Variants in PANK1 observed in about 807,000 individuals in gnomAD.
The protein encoded by PANK1 is pantothenate kinase 1.
A neutral mutation model predicts 40.1 loss-of-function variants in PANK1; 18 were observed. That is an observed-to-expected ratio of 0.45 (90% CI 0.31 to 0.67). PANK1 has a LOEUF of 0.67. Ranked by LOEUF, PANK1 falls within the 30% of genes least tolerant of loss-of-function variation. The pLI is 0.06. For missense variants in PANK1, 457 were observed against 599.6 expected (o/e 0.76, Z 2.48); for synonymous variants, 242 against 237.7 (o/e 1.02, Z -0.17).
chr10:89,633,203 G>C (rs1205025322), intron 1 of PANK1, among the ~76,000 whole-genome samples: 1 of 152,088 alleles, frequency 6.6e-6, no homozygotes, highest in Non-Finnish European at 1.5e-5. Flanking sequence ...ATGCAGAGTT[G>C]GGAAGTCATG....
At chr10:89,618,686 T>C (rs1220043274) in intron 1 of PANK1, among the ~76,000 whole-genome samples, 1 of 152,242 alleles carries the variant, frequency 6.6e-6, no homozygotes, top group East Asian at 1.9e-4. Flanking sequence ...CTAACCTGGC[T>C]GGTAAGTTGT....
At chr10:89,618,158 T>C (rs969787369) in intron 1 of PANK1, among the ~76,000 whole-genome samples, 2 of 152,206 alleles carry the variant, frequency 1.3e-5, no homozygotes, top group Non-Finnish European at 2.9e-5. Context: ...CTTCTCCACC[T>C]ACAAGGCAGG....
In PANK1 at chr10:89,583,962, C is replaced by G. The variant is rs1844115036; in HGVS notation, c.*444G>C. ...GCCAGATTTGTAGTTTCATTTGAAA[C>G]CAACAGCAAATCATGAAACGTCATG... On this transcript the variant is annotated 3_prime_UTR_variant, in exon 7 of 7. Transcript: ENST00000307534. The G allele has an allele frequency of 6.5e-6, 1 of 154,024 alleles. No homozygotes were observed. Among genetic ancestry groups the G allele is most frequent in the African/African-American group, 2.4e-5 (1 of 41,450 alleles). 9.5% of individuals were successfully genotyped at this position (154,024 alleles called of 1,614,324 possible).
chr10:89,586,086 T>A (rs1249730707), intron 6 of PANK1, among the ~76,000 whole-genome samples: 1 of 152,222 alleles, frequency 6.6e-6, no homozygotes, highest in Non-Finnish European at 1.5e-5. Flanking sequence ...GGCTTTTATT[T>A]CCTATCTTAC....
Position 89,593,877 on chromosome 10 carries a change from C to T in PANK1, c.1012G>A (p.Val338Met). The T allele has an allele frequency of 6.2e-7, 1 of 1,613,910 alleles. No homozygotes were observed. The highest frequency in any genetic ancestry group is 8.5e-7 in the Non-Finnish European group (1 of 1,179,772). ...TAGTCTCCTCCGTAAATGTCCTTCA[C>T]CAGTTTATCAACATTGGTGCTGTCG... ...KGDSTNVDKL[V>M]KDIYGGDYER... Residue 338 changes from valine to methionine, a missense_variant, in exon 4 of 7, where the codon GTG becomes ATG. Transcript: ENST00000307534.
chr10:89,580,130 A>G (rs1420112171), downstream of PANK1: 1 of 152,238 alleles, frequency 6.6e-6, no homozygotes, highest in African/African-American at 2.4e-5. Context: ...GGCTGTAGCT[A>G]TTAGTAGCCT....
At chr10:89,580,209 T>C (rs1218832279), downstream of PANK1, 1 of 152,216 alleles carries the variant, frequency 6.6e-6, no homozygotes, top group Non-Finnish European at 1.5e-5. Flanking sequence ...TGGTTCACTC[T>C]GTAGCTACTG....
At chr10:89,623,019 TTATC>T (rs1845542411) in intron 1 of PANK1, among the ~76,000 whole-genome samples, 1 of 152,290 alleles carries the variant, frequency 6.6e-6, no homozygotes, top group African/African-American at 2.4e-5. Context: ...CAAATGTTCA[TTATC>T]TATCGTTAGG....
chr10:89,584,546 A>T, intron 6 of PANK1, 81 bp from the exon 7 acceptor site: 1 of 887,030 alleles, frequency 1.1e-6, no homozygotes, highest in Non-Finnish European at 1.9e-6. Flanking sequence ...AATGCCACTA[A>T]TATCGATAAA....
rs762216541 is a variant in PANK1 at position 89,599,252 on chromosome 10, C to T, written c.899G>A (p.Ser300Asn). The T allele has an allele frequency of 6.2e-7, 1 of 1,612,796 alleles. No homozygotes were observed. Among genetic ancestry groups the T allele is most frequent in the African/African-American group, 1.3e-5 (1 of 74,954 alleles). ...KDNYKRVTGT[S>N]LGGGTFLGLC... Reference sequence around the variant, plus strand: ...CAAGCACAAGCAGAAACATGTTTACCTGGTCCCTGTAACTCTTTTATAGTT... The same window carrying T: ...CAAGCACAAGCAGAAACATGTTTACTTGGTCCCTGTAACTCTTTTATAGTT... The change falls in exon 3 of 7, where the codon AGT becomes AAT. Residue 300 changes from serine (S) to asparagine (N), a missense_variant and splice_region_variant. This residue lies in a region of PANK1 where 286 missense variants were observed against 415.8 expected (regional missense o/e 0.69). Transcript: ENST00000307534.
chr10:89,608,935 A>G (rs1422408396), intron 2 of PANK1, among the ~76,000 whole-genome samples: 1 of 152,164 alleles, frequency 6.6e-6, no homozygotes, highest in Non-Finnish European at 1.5e-5. Flanking sequence ...TCTTTGCATG[A>G]TTTGCTGTCT....
intron 1 of PANK1, among the ~76,000 whole-genome samples, chr10:89,612,400 A>G (rs1272119737): frequency 2.0e-5 from 3 of 152,190 alleles, no homozygotes; most frequent in Non-Finnish European, 4.4e-5. Flanking sequence ...ATAGATATAT[A>G]TATTTTTGCA....
At chr10:89,629,779 A>T (rs866032487) in intron 1 of PANK1, among the ~76,000 whole-genome samples, 116 of 152,228 alleles carry the variant, frequency 7.6e-4, no homozygotes, top group African/African-American at 2.7e-3. Flanking sequence ...AGTTTGATTC[A>T]GAGACAGCAG....
Position 89,593,822 on chromosome 10 carries a change from A to C in PANK1, c.1067T>G (p.Val356Gly). Reference sequence around the variant, plus strand: ...GCTACTTAATCTCTACCTTGATGCTACAGCAGATCCTTGAAGGCCAAATCG... The same window carrying C: ...GCTACTTAATCTCTACCTTGATGCTCCAGCAGATCCTTGAAGGCCAAATCG... ...YERFGLQGSA[V>G]ASSFGNMMSK... Residue 356 changes from valine (V) to glycine (G), a missense_variant, in exon 4 of 7, where the codon GTA becomes GGA. By Grantham distance (109) the Val-to-Gly change is moderately radical. Coordinates refer to ENST00000307534, the MANE Select transcript of PANK1 (RefSeq NM_148977.3). 4 of 1,612,640 alleles carry C rather than the reference A, an allele frequency of 2.5e-6. No homozygotes were observed. The highest frequency in any genetic ancestry group is 2.7e-5 in the African/African-American group (2 of 75,030).
intron 1 of PANK1, among the ~76,000 whole-genome samples, chr10:89,613,525 T>C (rs1845224732): frequency 6.6e-6 from 1 of 152,198 alleles, no homozygotes; most frequent in Admixed American, 6.5e-5. Context: ...GTTATTTTGG[T>C]TATGACCCAA....
chr10:89,633,718 C>G (rs1480234442), intron 1 of PANK1, among the ~76,000 whole-genome samples: 1 of 152,034 alleles, frequency 6.6e-6, no homozygotes, highest in African/African-American at 2.4e-5. Flanking sequence ...CACATGAAAC[C>G]AAATATCACA....
intron 1 of PANK1, among the ~76,000 whole-genome samples, chr10:89,634,106 T>C (rs1197014938): frequency 6.6e-6 from 1 of 152,166 alleles, no homozygotes; most frequent in Non-Finnish European, 1.5e-5. Context: ...GGGAGACAGA[T>C]TTTGAGTTAG....
chr10:89,598,727 C>CTCCAAAATTTTGGAGTGTTTGGCTGTT lies in PANK1; in HGVS notation c.899+524_899+525insAACAGCCAAACACTCCAAAATTTTGGA, dbSNP rs1554838335. On this transcript the variant is annotated intron_variant, in intron 3 of 6. Transcript: ENST00000307534. ...GGCCATGGGGCTGTTTCCCTGTCTA[C>CTCCAAAATTTTGGAGTGTTTGGCTGTT]TCCACTCCAAAATTCCCTAGGAGGT... is the stretch of plus-strand genomic sequence containing the variant. Among the ~76,000 whole-genome samples, 175 of 152,324 alleles carry CTCCAAAATTTTGGAGTGTTTGGCTGTT rather than the reference C, an allele frequency of 1.1e-3. 2 individuals carry two copies. Among genetic ancestry groups the CTCCAAAATTTTGGAGTGTTTGGCTGTT allele is most frequent in the African/African-American group, 4.0e-3 (166 of 41,574 alleles).
intron 1 of PANK1, among the ~76,000 whole-genome samples, chr10:89,628,599 T>G (rs571622103): frequency 1.3e-5 from 2 of 152,328 alleles, no homozygotes; most frequent in Admixed American, 6.5e-5. Context: ...ATTGTGATAG[T>G]TGTACAACTC....
Sources: gnomAD v4.1 joint callset for allele counts (sites outside exome capture counted in the v4.1 genomes callset) on GRCh38, gnomAD v4.1.1 for gene constraint, gnomAD v4.1.1 regional missense constraint, MANE v1.5 for transcripts, NCBI Gene and HGNC (gene_info 2026-07-23, HGNC 2026-07-21) for gene names.